Variants in NPNT observed in about 807,000 individuals in gnomAD.
The protein encoded by NPNT is nephronectin, also known as preosteoblast EGF-like repeat protein with MAM domain.
NPNT carries 45 observed loss-of-function variants against 68.6 expected under a neutral mutation model. The observed-to-expected ratio is 0.66, with a 90% confidence interval of 0.52 to 0.84. NPNT has a LOEUF of 0.84. Among genes scored for constraint, NPNT ranks in the 40% least tolerant of loss-of-function variants. The pLI is 0.00. For synonymous variants in NPNT, 233 were observed against 253.3 expected (o/e 0.92, Z 0.76); for missense variants, 672 against 714.8 (o/e 0.94, Z 0.68).
chr4:105,907,390 G>A (rs1442000728), intron 2 of NPNT, among the ~76,000 whole-genome samples: 1 of 152,142 alleles, frequency 6.6e-6, no homozygotes, highest in Non-Finnish European at 1.5e-5. Context: ...ACATCTCCTT[G>A]GGAGGAACAA....
intron 8 of NPNT, 33 bp from the exon 9 acceptor site, chr4:105,958,438 C>T: frequency 2.2e-6 from 3 of 1,337,438 alleles, no homozygotes; most frequent in Non-Finnish European, 3.2e-6. Context: ...CACACACACA[C>T]ACACACAAAA....
At chr4:105,916,675 T>G (rs1727844340) in intron 2 of NPNT, among the ~76,000 whole-genome samples, 1 of 152,216 alleles carries the variant, frequency 6.6e-6, no homozygotes, top group Non-Finnish European at 1.5e-5. Flanking sequence ...CATATAACAC[T>G]TGCATGAAGC....
intron 2 of NPNT, among the ~76,000 whole-genome samples, chr4:105,920,352 A>G (rs2149344545): frequency 6.7e-6 from 1 of 149,744 alleles, no homozygotes; most frequent in Admixed American, 6.7e-5. Context: ...TTTAGAAACA[A>G]AGATCCAGGT....
chr4:105,959,895 T>A (rs1731568377), intron 10 of NPNT, among the ~76,000 whole-genome samples: 1 of 151,002 alleles, frequency 6.6e-6, no homozygotes, highest in Admixed American at 6.6e-5. Context: ...CTGCAACCTC[T>A]GCCTCCTGGG....
At chr4:105,907,269 C>T (rs143500357) in intron 2 of NPNT, among the ~76,000 whole-genome samples, 1,959 of 152,162 alleles carry the variant, frequency 0.013, 28 homozygotes, top group Middle Eastern at 0.041. Flanking sequence ...AACCTGAAAT[C>T]CTGATGCACA....
rs1363553099 is a variant in NPNT at position 105,930,542 on chromosome 4, A to ATT, written c.265+3114_265+3115insTT. ...TTAAACTGTTTTCATTCAGGCCCAC[A>ATT]CATTTTAATAAAGTAGAAAATATGC... On this transcript the variant is annotated intron_variant, in intron 3 of 11. Coordinates refer to ENST00000379987, the MANE Select transcript of NPNT (RefSeq NM_001033047.3). 2.0e-5 allele frequency among the ~76,000 whole-genome samples: 3 copies of ATT among 152,236 alleles called. No individual in the cohort carries two copies. The East Asian group carries it at 5.8e-4, about 29-fold the overall frequency.
intron 8 of NPNT, among the ~76,000 whole-genome samples, chr4:105,951,346 C>T (rs1730821346): frequency 6.6e-6 from 1 of 152,158 alleles, no homozygotes; most frequent in Non-Finnish European, 1.5e-5. Flanking sequence ...TGCTGCAATT[C>T]CAAGTACCAA....
chr4:105,966,391 A>G (rs1233266187), intron 10 of NPNT, among the ~76,000 whole-genome samples: 1 of 152,136 alleles, frequency 6.6e-6, no homozygotes, highest in Non-Finnish European at 1.5e-5. Flanking sequence ...AGCCCTAGGG[A>G]TCTGAGAACA....
chr4:105,933,571 T>C (rs765582830), intron 3 of NPNT, among the ~76,000 whole-genome samples: 11 of 152,218 alleles, frequency 7.2e-5, no homozygotes, highest in Non-Finnish European at 1.2e-4. Context: ...AGTTGACATA[T>C]TGACATCTGT....
intron 10 of NPNT, among the ~76,000 whole-genome samples, chr4:105,959,684 A>T (rs1277294667): frequency 6.6e-6 from 1 of 151,704 alleles, no homozygotes; most frequent in African/African-American, 2.4e-5. Flanking sequence ...GTAGATTTAG[A>T]CATAGTTCCT....
intron 2 of NPNT, chr4:105,912,186 A>G: frequency 1.3e-6 from 2 of 1,532,562 alleles, no homozygotes; most frequent in Non-Finnish European, 1.7e-6. Flanking sequence ...TTTGTTTTGC[A>G]GCTTTCTACG....
rs546172034 is a variant in NPNT at position 105,953,649 on chromosome 4, T to C, written c.1160-4822T>C. On this transcript the variant is annotated intron_variant, in intron 8 of 11. Coordinates refer to ENST00000379987, the MANE Select transcript of NPNT (RefSeq NM_001033047.3). ...GAGAGACCATCTCATAAAACTCTTGTCATTCATCCCTACGCTCCAATCTGT... is the reference window on the plus strand; with the variant it reads ...GAGAGACCATCTCATAAAACTCTTGCCATTCATCCCTACGCTCCAATCTGT... Among the ~76,000 whole-genome samples, 3 of 152,310 alleles carry C rather than the reference T, an allele frequency of 2.0e-5. No homozygotes were observed. In the South Asian group the frequency reaches 6.2e-4, roughly 32 times the overall value.
intron 8 of NPNT, among the ~76,000 whole-genome samples, chr4:105,949,392 A>T (rs968812105): frequency 6.6e-6 from 1 of 152,164 alleles, no homozygotes; most frequent in African/African-American, 2.4e-5. Flanking sequence ...AGTATCCCTC[A>T]CTAGTTAGCT....
Position 105,971,275 on chromosome 4 carries a change from G to A in NPNT, c.*2285G>A. On this transcript the variant is annotated 3_prime_UTR_variant, in exon 12 of 12. Coordinates refer to ENST00000379987, the MANE Select transcript of NPNT (RefSeq NM_001033047.3). ...ATGATTCAGTTTCTCTTATCAATTGGACTCTCCCAGGTTCCACAGAACAGT... is the reference window on the plus strand; with the variant it reads ...ATGATTCAGTTTCTCTTATCAATTGAACTCTCCCAGGTTCCACAGAACAGT... The A allele has an allele frequency of 2.5e-6, 1 of 403,004 alleles. No individual in the cohort carries two copies. The highest frequency in any genetic ancestry group is 1.7e-5 in the South Asian group (1 of 57,422). 25.0% of individuals were successfully genotyped at this position (403,004 alleles called of 1,614,324 possible).
At chr4:105,898,312 GTCTCTCTCTCTCTCTGTCTC>G (rs1726069311) in intron 2 of NPNT, among the ~76,000 whole-genome samples, 10 of 39,236 alleles carry the variant, frequency 2.5e-4, no homozygotes, top group African/African-American at 8.7e-4. Flanking sequence ...CTCTCTCTCT[GTCTCTCTCTCTCTCTGTCTC>G]TCTCTCTCTC....
intron 2 of NPNT, among the ~76,000 whole-genome samples, chr4:105,905,378 T>C (rs1311932452): frequency 6.6e-6 from 1 of 152,150 alleles, no homozygotes; most frequent in Admixed American, 6.5e-5. Flanking sequence ...AGGTAAGTAT[T>C]TCTAACTTTC....
chr4:105,967,570 T>C (rs1732270094), intron 11 of NPNT, 126 bp downstream of exon 11: 4 of 869,954 alleles, frequency 4.6e-6, no homozygotes, highest in Non-Finnish European at 5.0e-6. Flanking sequence ...GGTTTTTTTC[T>C]GGGCCTGATG....
At chr4:105,904,132 G>A (rs1037437269) in intron 2 of NPNT, among the ~76,000 whole-genome samples, 1 of 152,052 alleles carries the variant, frequency 6.6e-6, no homozygotes, top group African/African-American at 2.4e-5. Flanking sequence ...TGGCTATACT[G>A]TAATTTATTA....
chr4:105,948,009 T>A (rs2149385581), intron 8 of NPNT, among the ~76,000 whole-genome samples: 1 of 152,318 alleles, frequency 6.6e-6, no homozygotes, highest in South Asian at 2.1e-4. Flanking sequence ...TTATATTGGA[T>A]TTAATTTTTT....
Sources: allele counts gnomAD v4.1 joint callset (sites outside exome capture counted in the v4.1 genomes callset), GRCh38; gene constraint gnomAD v4.1.1; transcripts MANE v1.5; gene names NCBI Gene and HGNC (gene_info 2026-07-23, HGNC 2026-07-21).